The following MYLK variants were observed in gnomAD, a reference collection of about 807,000 sequenced individuals.
MYLK encodes myosin light chain kinase, smooth muscle.
In MYLK, 106 loss-of-function variants were observed where a neutral mutation model predicts 203.4. That is an observed-to-expected ratio of 0.52 (90% CI 0.45 to 0.61). The LOEUF is 0.61. Ranked by LOEUF, MYLK falls within the 20% of genes least tolerant of loss-of-function variation. MYLK has a pLI of 0.00. For missense variants in MYLK, 2,072 were observed against 2,442.3 expected (o/e 0.85, Z 3.20); for synonymous variants, 867 against 959.5 (o/e 0.90, Z 1.78).
chr3:123,836,489 A>G (rs1355881815), intron 2 of MYLK, among the ~76,000 whole-genome samples: 1 of 152,222 alleles, frequency 6.6e-6, no homozygotes, highest in Non-Finnish European at 1.5e-5. Flanking sequence ...GGGTTATGCC[A>G]TACCAGAAAC....
intron 19 of MYLK, among the ~76,000 whole-genome samples, chr3:123,682,847 T>A (rs1358980335): frequency 2.6e-5 from 4 of 152,070 alleles, no homozygotes; most frequent in Admixed American, 2.6e-4. Context: ...CCAGCATGCC[T>A]CCCACCTCTG....
Position 123,831,241 on chromosome 3 carries a change from A to G in MYLK, c.-4+307T>C, listed in dbSNP as rs185740564. Among the ~76,000 whole-genome samples, 133 of 152,338 alleles carry G rather than the reference A, an allele frequency of 8.7e-4. 1 individual carries two copies. In the East Asian group the frequency reaches 0.022, roughly 25 times the overall value. On this transcript the variant is annotated intron_variant, in intron 3 of 33. Coordinates refer to ENST00000360304, the MANE Select transcript of MYLK (RefSeq NM_053025.4). The stretch of plus-strand genomic sequence containing the variant: ...GAGTACCACAGCGTGCAGTGTGAAC[A>G]GTTTCTAGCAGCAGCCAGGGCAACC...
chr3:123,679,240 G>C (rs920901781), intron 20 of MYLK, among the ~76,000 whole-genome samples: 3 of 151,326 alleles, frequency 2.0e-5, no homozygotes, highest in Non-Finnish European at 4.4e-5. Flanking sequence ...CCAGGAGGCG[G>C]AGGTTGTAGT....
chr3:123,682,405 C>T (rs976680941), intron 19 of MYLK, 95 bp from the exon 20 acceptor site: 27 of 1,011,346 alleles, frequency 2.7e-5, no homozygotes, highest in Non-Finnish European at 3.8e-5. Flanking sequence ...CCAAACTCCT[C>T]CCCAACTCTG....
At chr3:123,730,190 T>G (rs2062427441) in intron 11 of MYLK, among the ~76,000 whole-genome samples, 1 of 152,186 alleles carries the variant, frequency 6.6e-6, no homozygotes, top group African/African-American at 2.4e-5. Context: ...ATCATGCCAC[T>G]GCACTCTAGC....
chr3:123,744,640 T>C (rs1273840194), intron 5 of MYLK, among the ~76,000 whole-genome samples: 3 of 152,136 alleles, frequency 2.0e-5, no homozygotes, highest in Non-Finnish European at 4.4e-5. Context: ...GACTTCAAGG[T>C]AAAATCTCAC....
At chr3:123,659,693 A>G (rs1243942893) in intron 23 of MYLK, 1 of 518,398 alleles carries the variant, frequency 1.9e-6, no homozygotes, top group East Asian at 5.5e-5. Context: ...AACTCTCAGA[A>G]AAGAACAGAT....
chr3:123,725,909 G>A (rs1322672987), intron 12 of MYLK, 35 bp downstream of exon 12: 1 of 1,608,440 alleles, frequency 6.2e-7, no homozygotes, highest in Non-Finnish European at 8.5e-7. Flanking sequence ...GGGCCCAGGG[G>A]ATGGGAGCAG....
At chr3:123,782,953 A>C (rs957159035) in intron 4 of MYLK, among the ~76,000 whole-genome samples, 1 of 152,230 alleles carries the variant, frequency 6.6e-6, no homozygotes, top group Non-Finnish European at 1.5e-5. Flanking sequence ...TTGTGATCAG[A>C]GTGTGCACAG....
chr3:123,678,805 C>T lies in MYLK; in HGVS notation c.3652+3419G>A, dbSNP rs1403175956. 2.6e-5 allele frequency among the ~76,000 whole-genome samples: 4 copies of T among 152,014 alleles called. No homozygotes were observed. The East Asian group carries it at 7.7e-4, about 29-fold the overall frequency. Reference sequence around the variant, plus strand: ...CAAAAATCCAATTGATGTACTTGTGCCTGTATATAAAAATGCATAGAAAAA... The same window carrying T: ...CAAAAATCCAATTGATGTACTTGTGTCTGTATATAAAAATGCATAGAAAAA... On this transcript the variant is annotated intron_variant, in intron 20 of 33. Coordinates refer to ENST00000360304, the MANE Select transcript of MYLK (RefSeq NM_053025.4).
chr3:123,677,842 A>AAATGGTAG (rs1435211702), intron 20 of MYLK, among the ~76,000 whole-genome samples: 1 of 140,654 alleles, frequency 7.1e-6, no homozygotes, highest in Non-Finnish European at 1.5e-5. Context: ...ATTTGGCCTA[A>AAATGGTAG]AATGGTAGGT....
At chr3:123,614,499 A>G in intron 33 of MYLK, 150 bp from the exon 34 acceptor site, 2 of 793,238 alleles carry the variant, frequency 2.5e-6, no homozygotes, top group South Asian at 3.1e-5. Flanking sequence ...TTTGATATCT[A>G]CATTAGAATA....
At chr3:123,741,046 T>C (rs577241357) in intron 5 of MYLK, among the ~76,000 whole-genome samples, 1 of 152,290 alleles carries the variant, frequency 6.6e-6, no homozygotes, top group African/African-American at 2.4e-5. Flanking sequence ...CTGAAAGTTG[T>C]TCTTCTTTTG....
chr3:123,878,190 G>A (rs751826293), intron 1 of MYLK, among the ~76,000 whole-genome samples: 5 of 152,246 alleles, frequency 3.3e-5, no homozygotes, highest in Middle Eastern at 3.4e-3. Context: ...CTACCCTTAC[G>A]ACCACAGCAC....
intron 4 of MYLK, among the ~76,000 whole-genome samples, chr3:123,768,402 C>T (rs914506732): frequency 1.3e-5 from 2 of 152,208 alleles, no homozygotes; most frequent in African/African-American, 4.8e-5. Flanking sequence ...GAATTCTCAG[C>T]ACTGACTGCT....
At chr3:123,668,907 G>GT (rs1440699331) in intron 20 of MYLK, among the ~76,000 whole-genome samples, 2 of 152,194 alleles carry the variant, frequency 1.3e-5, no homozygotes, top group African/African-American at 4.8e-5. Context: ...GTTCACTGCT[G>GT]TATATCAATG....
intron 4 of MYLK, among the ~76,000 whole-genome samples, chr3:123,767,891 G>A (rs916671636): frequency 2.6e-5 from 4 of 152,318 alleles, no homozygotes; most frequent in East Asian, 3.9e-4. Flanking sequence ...GGCCAGCTTC[G>A]GGTTAGGAAT....
intron 3 of MYLK, among the ~76,000 whole-genome samples, chr3:123,812,017 C>G (rs1035114987): frequency 2.0e-5 from 3 of 152,200 alleles, no homozygotes; most frequent in Admixed American, 1.3e-4. Flanking sequence ...TATAAAGAAT[C>G]CATTTTTAAT....
At chr3:123,715,911 T>C (rs1473166201) in intron 13 of MYLK, 1 of 152,210 alleles carries the variant, frequency 6.6e-6, no homozygotes, top group Non-Finnish European at 1.5e-5. Context: ...GGATCCAAAT[T>C]TGCATTCAAC....
Sources: allele counts gnomAD v4.1 joint callset (sites outside exome capture counted in the v4.1 genomes callset), GRCh38; gene constraint gnomAD v4.1.1; transcripts MANE v1.5; gene names NCBI Gene and HGNC (gene_info 2026-07-23, HGNC 2026-07-21).